Variants in MBNL2 observed in about 807,000 individuals in gnomAD.
MBNL2 encodes the protein muscleblind like splicing regulator 2, also known as muscleblind-like protein 2.
MBNL2 carries 17 observed loss-of-function variants against 41.9 expected under a neutral mutation model. The ratio of observed to expected loss-of-function variants is 0.41; its 90% CI spans 0.28 to 0.61. The LOEUF (loss-of-function observed/expected upper bound fraction) is 0.61. Among genes scored for constraint, MBNL2 ranks in the 20% least tolerant of loss-of-function variants. MBNL2 has a pLI of 0.35. For missense variants in MBNL2, 336 were observed against 505.6 expected, an observed-to-expected ratio of 0.66 and a Z score of 3.22; for synonymous variants, 195 against 182.9, an observed-to-expected ratio of 1.07 and a Z score of -0.53.
chr13:97,359,117 C>A (rs2063205214), intron 7 of MBNL2, among the ~76,000 whole-genome samples: 1 of 152,062 alleles, frequency 6.6e-6, no homozygotes, highest in African/African-American at 2.4e-5. Flanking sequence ...AGTGACATCC[C>A]AGTGCTGTTA....
intron 1 of MBNL2, among the ~76,000 whole-genome samples, chr13:97,249,885 C>T (rs1433470621): frequency 6.6e-6 from 1 of 152,140 alleles, no homozygotes; most frequent in African/African-American, 2.4e-5. Context: ...AAGTTGGAAG[C>T]CAATTGATTT....
At chr13:97,303,047 A>G (rs752988696) in intron 2 of MBNL2, among the ~76,000 whole-genome samples, 9 of 152,184 alleles carry the variant, frequency 5.9e-5, no homozygotes, top group Non-Finnish European at 8.8e-5. Context: ...GTGATTTCCA[A>G]TTCGGAGCAT....
intron 1 of MBNL2, among the ~76,000 whole-genome samples, chr13:97,236,812 CTAA>C (rs886451033): frequency 1.1e-4 from 17 of 152,154 alleles, no homozygotes; most frequent in Non-Finnish European, 2.5e-4. Context: ...TCAGTGCTAA[CTAA>C]TAATGATGCT....
At chr13:97,383,171 A>G (rs2065633238) in intron 8 of MBNL2, among the ~76,000 whole-genome samples, 1 of 152,244 alleles carries the variant, frequency 6.6e-6, no homozygotes. Context: ...TGAGAGCCAC[A>G]GAAATGATCC....
chr13:97,183,623 G>C, the MBNL2 span, among the ~76,000 whole-genome samples: 1 of 152,098 alleles, frequency 6.6e-6, no homozygotes, highest in African/African-American at 2.4e-5. Context: ...ACAATTTTAC[G>C]CCCACAGTTG....
At chr13:97,290,631 G>C (rs1320702965) in intron 2 of MBNL2, among the ~76,000 whole-genome samples, 16 of 147,460 alleles carry the variant, frequency 1.1e-4, no homozygotes, top group Non-Finnish European at 2.2e-4. Context: ...AGCCGAGATT[G>C]CGCCACTGCA....
chr13:97,218,320 G>C (rs1197825896), upstream of MBNL2, among the ~76,000 whole-genome samples: 1 of 151,700 alleles, frequency 6.6e-6, no homozygotes, highest in Non-Finnish European at 1.5e-5. Flanking sequence ...TGAAGCAGGA[G>C]AATGGCGTGA....
chr13:97,190,449 GTAAAGT>G, the MBNL2 span, among the ~76,000 whole-genome samples: 45 of 151,924 alleles, frequency 3.0e-4, no homozygotes, highest in Non-Finnish European at 5.4e-4. Flanking sequence ...ATCGGAAGAG[GTAAAGT>G]TAATTTCCCA....
intron 1 of MBNL2, among the ~76,000 whole-genome samples, chr13:97,246,334 T>C (rs1388091385): frequency 6.6e-6 from 1 of 152,062 alleles, no homozygotes; most frequent in Admixed American, 6.6e-5. Context: ...TGAATCCCTA[T>C]TGAACTTCAA....
intron 1 of MBNL2, among the ~76,000 whole-genome samples, chr13:97,274,988 C>T (rs1026876951): frequency 2.6e-5 from 4 of 152,148 alleles, no homozygotes; most frequent in South Asian, 2.1e-4. Flanking sequence ...TAATATACGC[C>T]GTAGACTAAG....
intron 2 of MBNL2, among the ~76,000 whole-genome samples, chr13:97,311,100 G>A (rs2058569707): frequency 6.6e-6 from 1 of 152,104 alleles, no homozygotes; most frequent in South Asian, 2.1e-4. Flanking sequence ...CAGTTACACT[G>A]AGGAAATAAA....
the MBNL2 span, among the ~76,000 whole-genome samples, chr13:97,170,828 T>C: frequency 2.6e-5 from 4 of 152,200 alleles, no homozygotes; most frequent in Non-Finnish European, 5.9e-5. Context: ...TCCTCTCCTC[T>C]CCCTAGCCTG....
rs2063027167 is a variant in MBNL2, at chr13:97,356,816, A to T, written c.825A>T (p.Ala275=). 1 of 1,363,856 alleles carries T rather than the reference A, an allele frequency of 7.3e-7. No homozygotes were observed. The highest frequency in any genetic ancestry group is 1.9e-5 in the Admixed American group (1 of 52,420). The allele number at this position is 1,363,856 out of a possible 1,614,324, so 84.5% of individuals were successfully genotyped here. ...AAAAGACTCAGTCGACTGCCAAAGC[A>T]ATGAAGCGACCTCTCGAAGCAACTG... ...ATVMTQSTAK[A]MKRPLEATVD... is the part of the protein sequence containing the mutation. Residue 275 remains alanine (A), a synonymous_variant, in exon 6 of 9, where the codon GCA becomes GCT. Coordinates refer to ENST00000679496, the MANE Select transcript of MBNL2 (RefSeq NM_001382683.1).
intron 1 of MBNL2, among the ~76,000 whole-genome samples, chr13:97,239,300 T>G (rs1464764221): frequency 1.3e-5 from 2 of 152,248 alleles, no homozygotes; most frequent in Non-Finnish European, 2.9e-5. Context: ...TGGAATATTT[T>G]TAATGTCTCC....
intron 2 of MBNL2, among the ~76,000 whole-genome samples, chr13:97,291,094 G>T (rs1400874110): frequency 6.6e-6 from 1 of 152,134 alleles, no homozygotes; most frequent in Non-Finnish European, 1.5e-5. Context: ...CAGCCTGGAG[G>T]AGGGATGGTA....
intron 8 of MBNL2, among the ~76,000 whole-genome samples, chr13:97,371,530 A>C (rs1325691712): frequency 6.6e-6 from 1 of 152,070 alleles, no homozygotes; most frequent in Non-Finnish European, 1.5e-5. Context: ...CGTAGGTTTG[A>C]TTCTGATTGA....
chr13:97,340,681 A>G (rs1431887882), intron 3 of MBNL2, among the ~76,000 whole-genome samples: 1 of 152,180 alleles, frequency 6.6e-6, no homozygotes, highest in East Asian at 1.9e-4. Flanking sequence ...AGTAAGTGTC[A>G]GAGTGCTAGG....
At chr13:97,354,984 AAAAAC>A (rs991481101) in intron 5 of MBNL2, among the ~76,000 whole-genome samples, 8 of 152,242 alleles carry the variant, frequency 5.3e-5, no homozygotes, top group Admixed American at 2.0e-4. Flanking sequence ...TTGAAGCTCA[AAAAAC>A]AAAACAAAAG....
At position 97,346,637 on chromosome 13, in the gene MBNL2, A is replaced by G. The variant is rs1051698765; in HGVS notation, c.541-167A>G. Among the ~76,000 whole-genome samples the G allele has an allele frequency of 6.6e-6, 1 of 152,268 alleles. No individual in the cohort carries two copies. Among genetic ancestry groups the G allele is most frequent in the Non-Finnish European group, 1.5e-5 (1 of 68,044 alleles). On this transcript the variant is annotated intron_variant, in intron 4 of 8. Transcript: ENST00000679496. This position sits in a 1 kb window ranked among gnomAD's most constrained non-coding sequence, Gnocchi z 4.2. ...AAAACAAAACTCAAATGACTGTGTC[A>G]GAGATTGTGGTTACCTGGGCTCCGC...
Sources: allele counts gnomAD v4.1 joint callset (sites outside exome capture counted in the v4.1 genomes callset), GRCh38; gene constraint gnomAD v4.1.1; non-coding constraint Gnocchi (gnomAD v3.1); transcripts MANE v1.5; gene names NCBI Gene and HGNC (gene_info 2026-07-23, HGNC 2026-07-21).